The following PARD3B variants were observed in gnomAD, a reference collection of about 807,000 sequenced individuals.
The protein encoded by PARD3B is par-3 family cell polarity regulator beta.
In PARD3B, 103 loss-of-function variants were observed where a neutral mutation model predicts 130.2. The observed-to-expected ratio is 0.79, with a 90% CI of 0.67 to 0.93. PARD3B has a LOEUF of 0.93. Ranked by LOEUF, PARD3B falls within the 40% of genes least tolerant of loss-of-function variation. PARD3B has a pLI of 0.00. For synonymous variants in PARD3B, 583 were observed against 553.2 expected, an observed-to-expected ratio of 1.05 and a Z score of -0.76; for missense variants, 1,609 against 1,499.2, an observed-to-expected ratio of 1.07 and a Z score of -1.21.
chr2:204,878,727 C>G (rs544074515), intron 2 of PARD3B, among the ~76,000 whole-genome samples: 15 of 152,070 alleles, frequency 9.9e-5, no homozygotes, highest in Non-Finnish European at 1.9e-4. Context: ...ATTTTTATTT[C>G]TTTGAGGAGC....
chr2:204,693,824 C>G (rs1260548764), intron 2 of PARD3B, among the ~76,000 whole-genome samples: 1 of 151,990 alleles, frequency 6.6e-6, no homozygotes, highest in Non-Finnish European at 1.5e-5. Context: ...ATCCTTGTCC[C>G]TATTTCCTGC....
In PARD3B at chr2:204,843,366, C is replaced by G. The variant is rs549763429; in HGVS notation, c.223-121786C>G. ...AATCATCTGTACAGAACTCACAGAA[C>G]TCAGTTAGTTTGTTTCCTTCCTCTT... On this transcript the variant is annotated intron_variant, in intron 2 of 22. Transcript: ENST00000406610. Among the ~76,000 whole-genome samples, 4 of 152,118 alleles carry G rather than the reference C, an allele frequency of 2.6e-5. No homozygotes were observed. In the South Asian group the frequency reaches 8.3e-4, roughly 32 times the overall value.
At chr2:205,484,377 C>T (rs2049358346) in intron 20 of PARD3B, among the ~76,000 whole-genome samples, 1 of 152,138 alleles carries the variant, frequency 6.6e-6, no homozygotes, top group Non-Finnish European at 1.5e-5. Context: ...TCCAGTCCTG[C>T]CTGCCTTTTG....
chr2:205,034,333 CTT>C (rs925727414), intron 3 of PARD3B, among the ~76,000 whole-genome samples: 132 of 152,286 alleles, frequency 8.7e-4, no homozygotes, highest in African/African-American at 3.1e-3. Context: ...CCAGATATCA[CTT>C]TCTCTCTCAC....
intron 21 of PARD3B, among the ~76,000 whole-genome samples, chr2:205,503,919 T>A (rs1294998254): frequency 6.6e-6 from 1 of 152,190 alleles, no homozygotes; most frequent in Non-Finnish European, 1.5e-5. Context: ...CCTAGGTATT[T>A]TATTCTCTTT....
chr2:205,161,963 A>T (rs1395639215), intron 11 of PARD3B, among the ~76,000 whole-genome samples: 2 of 152,224 alleles, frequency 1.3e-5, no homozygotes, highest in Admixed American at 6.5e-5. Flanking sequence ...AAGATAGGCT[A>T]CTTCTTGCCA....
At chr2:205,213,648 GGTTT>G (rs1203364848) in intron 15 of PARD3B, among the ~76,000 whole-genome samples, 1 of 152,238 alleles carries the variant, frequency 6.6e-6, no homozygotes, top group Non-Finnish European at 1.5e-5. Flanking sequence ...GCAAATTAAT[GGTTT>G]GTTTGAGTAG....
At position 205,572,847 on chromosome 2, in the gene PARD3B, A is replaced by G. The variant is rs1301982665; in HGVS notation, c.3260+19444A>G. On this transcript the variant is annotated intron_variant, in intron 22 of 22. Transcript: ENST00000406610. This position sits in a 1 kb window ranked among gnomAD's most constrained non-coding sequence, Gnocchi z 4.2. Reference sequence around the variant, plus strand: ...GATGCTGAAAGCCTGAAATGAGGACATAAGTGGGTGTATTAGTCCATTTTC... The same window carrying G: ...GATGCTGAAAGCCTGAAATGAGGACGTAAGTGGGTGTATTAGTCCATTTTC... 1.3e-5 allele frequency among the ~76,000 whole-genome samples: 2 copies of G among 152,224 alleles called. No homozygotes were observed. Among genetic ancestry groups the G allele is most frequent in the Non-Finnish European group, 2.9e-5 (2 of 68,044 alleles).
At chr2:204,723,711 G>A (rs1305339561) in intron 2 of PARD3B, among the ~76,000 whole-genome samples, 1 of 152,034 alleles carries the variant, frequency 6.6e-6, no homozygotes, top group Non-Finnish European at 1.5e-5. Flanking sequence ...CACTAGAAGG[G>A]GAGTTGAGGC....
chr2:204,653,292 A>T (rs994161030), intron 1 of PARD3B, among the ~76,000 whole-genome samples: 24 of 151,100 alleles, frequency 1.6e-4, no homozygotes, highest in Non-Finnish European at 2.9e-5. Context: ...ATTAAAAAAA[A>T]AAAAACCTAG....
At chr2:204,695,001 A>G (rs1457818304) in intron 2 of PARD3B, among the ~76,000 whole-genome samples, 1 of 152,108 alleles carries the variant, frequency 6.6e-6, no homozygotes, top group East Asian at 1.9e-4. Flanking sequence ...CCATAAGAAA[A>G]TGTTTGATAT....
chr2:204,638,996 A>T (rs1192942993), intron 1 of PARD3B, among the ~76,000 whole-genome samples: 1 of 152,070 alleles, frequency 6.6e-6, no homozygotes, highest in Non-Finnish European at 1.5e-5. Flanking sequence ...GGCTGGCTTT[A>T]TGATCAGTGA....
intron 1 of PARD3B, among the ~76,000 whole-genome samples, chr2:204,643,752 A>G (rs1299681053): frequency 6.6e-6 from 1 of 152,130 alleles, no homozygotes; most frequent in South Asian, 2.1e-4. Flanking sequence ...CTTATAAAGG[A>G]TACTAGCAAT....
intron 2 of PARD3B, among the ~76,000 whole-genome samples, chr2:204,688,893 A>T (rs563111004): frequency 6.6e-6 from 1 of 152,162 alleles, no homozygotes; most frequent in Non-Finnish European, 1.5e-5. Flanking sequence ...GAACAAGTCC[A>T]AAGAGGCACG....
intron 3 of PARD3B, among the ~76,000 whole-genome samples, chr2:204,996,200 A>T (rs1178793223): frequency 2.4e-5 from 3 of 125,060 alleles, no homozygotes; most frequent in Non-Finnish European, 5.0e-5. Context: ...TTTTTTCCCC[A>T]TCTTTGTGGT....
At chr2:204,882,692 A>G (rs2046100958) in intron 2 of PARD3B, among the ~76,000 whole-genome samples, 1 of 152,260 alleles carries the variant, frequency 6.6e-6, no homozygotes, top group Non-Finnish European at 1.5e-5. Context: ...TACTCAGAGT[A>G]TAGCATGTGG....
intron 16 of PARD3B, among the ~76,000 whole-genome samples, chr2:205,297,694 T>C (rs2041845418): frequency 6.6e-6 from 1 of 152,196 alleles, no homozygotes; most frequent in African/African-American, 2.4e-5. Context: ...GTCCCTACTC[T>C]ACAGCTACAT....
At chr2:204,741,250 T>C (rs1046879130) in intron 2 of PARD3B, among the ~76,000 whole-genome samples, 2 of 152,196 alleles carry the variant, frequency 1.3e-5, no homozygotes, top group African/African-American at 4.8e-5. Flanking sequence ...ATACAATTAG[T>C]ATTTATAAAA....
rs932664149 is a variant in PARD3B, at chr2:205,156,366, A to G, written c.1435-2356A>G. On this transcript the variant is annotated intron_variant, in intron 10 of 22. Transcript: ENST00000406610. Reference sequence around the variant, plus strand: ...AGCATGGCACATGTATACATATGTAACTAACCTGCACATTGTGCACATGTA... The same window carrying G: ...AGCATGGCACATGTATACATATGTAGCTAACCTGCACATTGTGCACATGTA... Among the ~76,000 whole-genome samples the G allele has an allele frequency of 5.3e-5, 8 of 151,912 alleles. No homozygotes were observed. The South Asian group carries it at 6.2e-4, about 12-fold the overall frequency.
Sources: allele counts gnomAD v4.1 joint callset (sites outside exome capture counted in the v4.1 genomes callset), GRCh38; gene constraint gnomAD v4.1.1; non-coding constraint Gnocchi (gnomAD v3.1); transcripts MANE v1.5; gene names NCBI Gene and HGNC (gene_info 2026-07-23, HGNC 2026-07-21).